ATP6V0D2: variants seen among roughly 807,000 people sequenced by gnomAD.
The protein encoded by ATP6V0D2 is V-type proton ATPase subunit d 2.
ATP6V0D2 carries 40 observed loss-of-function variants against 40.0 expected under a neutral mutation model. The observed-to-expected ratio is 1.00, with a 90% CI of 0.78 to 1.30. ATP6V0D2 has a LOEUF of 1.30. Among genes scored for constraint, ATP6V0D2 ranks in the 50% most tolerant of loss-of-function variants. The pLI, the probability that ATP6V0D2 is intolerant of heterozygous loss-of-function variation, is 0.00. For missense variants in ATP6V0D2, 470 were observed against 423.1 expected, an observed-to-expected ratio of 1.11 and a Z score of -0.97; for synonymous variants, 179 against 156.3, an observed-to-expected ratio of 1.15 and a Z score of -1.08.
chr8:86,099,014 C>T lies in ATP6V0D2; in HGVS notation c.36C>T (p.Asp12=), dbSNP rs768197673. Residue 12 remains aspartate (D), a synonymous_variant, in exon 1 of 8, where the codon GAC becomes GAT. Transcript: ENST00000285393. ...GTGCGGAGCTGTACTTCAACGTGGA[C>T]CATGGCTACCTGGAGGGCCTGGTTC... The part of the protein sequence containing the change: ...LEGAELYFNV[D]HGYLEGLVRG... The T allele has an allele frequency of 6.2e-7, 1 of 1,613,936 alleles. No homozygotes were observed. The highest frequency in any genetic ancestry group is 8.5e-7 in the Non-Finnish European group (1 of 1,179,998).
rs534470196 is a variant in ATP6V0D2, at chr8:86,149,875, T to G, written c.640-237T>G. On this transcript the variant is annotated intron_variant, in intron 5 of 7. Transcript: ENST00000285393. ...AGGGTGCCCGGGAAATAAATCTTAC[T>G]GGGGTTTCAGGAGTCATAGGTTATC... Among the ~76,000 whole-genome samples, 10 of 152,168 alleles carry G rather than the reference T, an allele frequency of 6.6e-5. No individual in the cohort carries two copies. In the South Asian group the frequency reaches 2.1e-3, roughly 32 times the overall value.
intron 2 of ATP6V0D2, among the ~76,000 whole-genome samples, chr8:86,118,921 C>T (rs1818630913): frequency 6.6e-6 from 1 of 152,134 alleles, no homozygotes; most frequent in Admixed American, 6.5e-5. Context: ...GCCCTGATCA[C>T]AGATCTAACG....
intron 2 of ATP6V0D2, among the ~76,000 whole-genome samples, chr8:86,114,600 G>T (rs1034613096): frequency 6.6e-6 from 1 of 152,218 alleles, no homozygotes; most frequent in Non-Finnish European, 1.5e-5. Flanking sequence ...AAGCCGGGAG[G>T]CGGAGGTTGC....
intron 1 of ATP6V0D2, among the ~76,000 whole-genome samples, chr8:86,109,474 C>G (rs574566210): frequency 2.0e-5 from 3 of 152,234 alleles, no homozygotes; most frequent in African/African-American, 7.2e-5. Flanking sequence ...TCCTTCTATT[C>G]CACTTTTCAC....
intron 2 of ATP6V0D2, among the ~76,000 whole-genome samples, chr8:86,135,034 G>C (rs1818879564): frequency 1.3e-5 from 2 of 152,138 alleles, no homozygotes; most frequent in Admixed American, 1.3e-4. Flanking sequence ...GGGGGTGGTG[G>C]GTGGGAAAGG....
intron 5 of ATP6V0D2, among the ~76,000 whole-genome samples, chr8:86,146,213 A>G (rs1421846407): frequency 6.6e-6 from 1 of 152,224 alleles, no homozygotes; most frequent in Non-Finnish European, 1.5e-5. Flanking sequence ...ATCTTTGAAT[A>G]GGTAAGAAAT....
At chr8:86,104,850 T>TAC (rs146266622) in intron 1 of ATP6V0D2, among the ~76,000 whole-genome samples, 22,092 of 145,980 alleles carry the variant, frequency 0.15, 1,672 homozygotes, top group African/African-American at 0.17. Flanking sequence ...TTAAAACACA[T>TAC]ACACACACAC....
chr8:86,139,305 A>T (rs1433838218), intron 2 of ATP6V0D2, 152 bp from the exon 3 acceptor site: 11 of 517,906 alleles, frequency 2.1e-5, no homozygotes, highest in Non-Finnish European at 3.6e-5. Context: ...TTTTCTCCAC[A>T]TCTCCTAAAC....
chr8:86,139,575 G>A lies in ATP6V0D2; in HGVS notation c.421G>A (p.Val141Ile), dbSNP rs1417585959. Residue 141 changes from valine (V) to isoleucine (I), a missense_variant, in exon 3 of 8, where the codon GTC becomes ATC. Physicochemically the swap from Val to Ile is conservative, Grantham distance 29. Transcript: ENST00000285393. ...PLGRFTEMEA[V>I]NIAETPSDLF... ...GGGCCGTTTCACAGAAATGGAAGCT[G>A]TCAACATTGCAGAGACACCTTCAGA... 6.8e-6 allele frequency: 11 copies of A among 1,613,622 alleles called. No individual in the cohort carries two copies. Among genetic ancestry groups the A allele is most frequent in the Non-Finnish European group, 9.3e-6 (11 of 1,179,800 alleles).
intron 5 of ATP6V0D2, among the ~76,000 whole-genome samples, chr8:86,145,916 A>G (rs1055062290): frequency 5.3e-5 from 8 of 152,220 alleles, no homozygotes; most frequent in African/African-American, 1.9e-4. Flanking sequence ...ACATGAATTC[A>G]CTTAGACTTC....
intron 2 of ATP6V0D2, among the ~76,000 whole-genome samples, chr8:86,116,044 G>T (rs780563230): frequency 1.3e-5 from 2 of 152,014 alleles, no homozygotes; most frequent in Non-Finnish European, 2.9e-5. Flanking sequence ...ACAATCTGAG[G>T]ATCAATTTTA....
chr8:86,108,838 G>A (rs1033411756), intron 1 of ATP6V0D2, among the ~76,000 whole-genome samples: 3 of 152,156 alleles, frequency 2.0e-5, no homozygotes, highest in Non-Finnish European at 2.9e-5. Context: ...CCTTCATGCA[G>A]TGACCACAAC....
chr8:86,145,025 T>C (rs542309661), intron 5 of ATP6V0D2, among the ~76,000 whole-genome samples: 5 of 147,990 alleles, frequency 3.4e-5, no homozygotes, highest in African/African-American at 1.2e-4. Context: ...TAGCTGAATG[T>C]GGTGGTGCAC....
chr8:86,119,186 C>T (rs17660862), intron 2 of ATP6V0D2, among the ~76,000 whole-genome samples: 7,986 of 151,624 alleles, frequency 0.053, 299 homozygotes, highest in South Asian at 0.16. Flanking sequence ...TCAAAGGTTC[C>T]GCTCACTGAT....
rs780447559 is a variant in ATP6V0D2 at position 86,152,993 on chromosome 8, C to G, written c.*16C>G. 6.4e-7 allele frequency: 1 copy of G among 1,552,912 alleles called. No homozygotes were observed. Among genetic ancestry groups the G allele is most frequent in the South Asian group, 1.2e-5 (1 of 80,798 alleles). On this transcript the variant is annotated 3_prime_UTR_variant, in exon 8 of 8. Coordinates refer to ENST00000285393, the MANE Select transcript of ATP6V0D2 (RefSeq NM_152565.1). ...AATTTTATAACCCAAGTAAGGTTCTCAAATGTAGAAAATTATAAATGTTAA... is the reference window on the plus strand; with the variant it reads ...AATTTTATAACCCAAGTAAGGTTCTGAAATGTAGAAAATTATAAATGTTAA...
At chr8:86,152,486 G>A (rs1328615777) in intron 7 of ATP6V0D2, among the ~76,000 whole-genome samples, 4 of 152,218 alleles carry the variant, frequency 2.6e-5, no homozygotes, top group Non-Finnish European at 4.4e-5. Flanking sequence ...CTAGATCCTT[G>A]AAGAATTGCC....
chr8:86,115,289 C>T (rs747636513), intron 2 of ATP6V0D2, among the ~76,000 whole-genome samples: 32 of 151,082 alleles, frequency 2.1e-4, no homozygotes, highest in Admixed American at 9.2e-4. Context: ...GAAAAGAATC[C>T]GCTTATCTGA....
rs567840390 is a variant in ATP6V0D2 at position 86,098,950 on chromosome 8, A to C, written c.-29A>C. ...CCGTCCAGGACTACAGAGCTGTTTC[A>C]CCCTACCTTGGCTTCAATCTCTTCC... On this transcript the variant is annotated 5_prime_UTR_variant, in exon 1 of 8. Transcript: ENST00000285393. 1.7e-5 allele frequency: 27 copies of C among 1,609,716 alleles called. No homozygotes were observed. The Admixed American group carries it at 4.4e-4, about 26-fold the overall frequency.
At chr8:86,152,012 G>T (rs915975670) in intron 7 of ATP6V0D2, among the ~76,000 whole-genome samples, 1 of 151,994 alleles carries the variant, frequency 6.6e-6, no homozygotes, top group South Asian at 2.1e-4. Flanking sequence ...TGCCATGGTG[G>T]GTTGCTGCAC....
Sources: gnomAD v4.1 joint callset for allele counts (sites outside exome capture counted in the v4.1 genomes callset) on GRCh38, gnomAD v4.1.1 for gene constraint, MANE v1.5 for transcripts, NCBI Gene and HGNC (gene_info 2026-07-23, HGNC 2026-07-21) for gene names.